The following GZMB variants were observed in gnomAD, a reference collection of about 807,000 sequenced individuals.
GZMB encodes the protein T-cell serine protease 1-3E.
Under a neutral mutation model 24.2 loss-of-function variants are expected in GZMB, and 27 were observed. That is an observed-to-expected ratio of 1.12 (90% CI 0.82 to 1.54). The LOEUF is 1.54. Ranked by LOEUF, GZMB falls within the 40% of genes most tolerant of loss-of-function variation. GZMB has a pLI of 0.00. For missense variants in GZMB, 336 were observed against 310.1 expected (o/e 1.08, Z -0.63); for synonymous variants, 121 against 115.1 (o/e 1.05, Z -0.33).
intron 4 of GZMB, 83 bp downstream of exon 4, chr14:24,631,775 C>T: frequency 1.8e-6 from 2 of 1,106,864 alleles, no homozygotes; most frequent in Non-Finnish European, 2.7e-6. Context: ...GAAGGAGTCC[C>T]CCACTACTTG....
At chr14:24,633,136 A>G in intron 1 of GZMB, 74 bp from the exon 2 acceptor site, 1 of 1,502,630 alleles carries the variant, frequency 6.7e-7, no homozygotes, top group Non-Finnish European at 8.9e-7. Flanking sequence ...TGGCTCCAGA[A>G]CTCCTGGGCA....
At chr14:24,632,843 G>T in intron 2 of GZMB, 72 bp downstream of exon 2, 2 of 1,460,000 alleles carry the variant, frequency 1.4e-6, no homozygotes, top group Non-Finnish European at 1.9e-6. Flanking sequence ...AGCCCAGGGA[G>T]CTCCTTGGGA....
chr14:24,632,677 C>T (rs774022502), intron 2 of GZMB: 2 of 830,512 alleles, frequency 2.4e-6, no homozygotes, highest in Admixed American at 4.0e-5. Flanking sequence ...GTATTCTATG[C>T]CAAAGTATGC....
intron 4 of GZMB, 21 bp downstream of exon 4, chr14:24,631,837 C>T: frequency 6.2e-7 from 1 of 1,609,910 alleles, no homozygotes; most frequent in Non-Finnish European, 8.5e-7. Flanking sequence ...AGAGCCAATC[C>T]AGGCAGGTGC....
intron 1 of GZMB, 37 bp from the exon 2 acceptor site, chr14:24,633,099 G>A (rs779700655): frequency 6.4e-7 from 1 of 1,563,044 alleles, no homozygotes; most frequent in Non-Finnish European, 8.7e-7. Flanking sequence ...GGCACCCATG[G>A]AATCTGCTGG....
In GZMB at chr14:24,632,940, G is replaced by T. The variant is rs111296281; in HGVS notation, c.178C>A (p.Leu60Met). ...CTTCCCCAACAGTGAGCAGCTGTCA[G>T]CACGAAGTCGTCTCGTATCAGGAAG... is the stretch of plus-strand genomic sequence containing the variant. ...GGFLIRDDFV[L>M]TAAHCWGSSI... The change falls in exon 2 of 5, where the codon CTG becomes ATG. Residue 60 changes from leucine to methionine, a missense_variant. Transcript: ENST00000216341. 6.2e-7 allele frequency: 1 copy of T among 1,613,242 alleles called. No individual in the cohort carries two copies. The highest frequency in any genetic ancestry group is 8.5e-7 in the Non-Finnish European group (1 of 1,179,554).
In GZMB at chr14:24,631,982, G is replaced by C. The variant is rs763271069; in HGVS notation, c.476C>G (p.Thr159Arg). 1 of 1,614,228 alleles carries C rather than the reference G, an allele frequency of 6.2e-7. No homozygotes were observed. Among genetic ancestry groups the C allele is most frequent in the South Asian group, 1.1e-5 (1 of 91,088 alleles). Residue 159 changes from threonine to arginine, a missense_variant, in exon 4 of 5, where the codon ACA becomes AGA. Transcript: ENST00000216341. ...CACTGTCATCTTCACCTCTTGTAGT[G>C]TGTGTGAGTGTTTTCCCAGGGGGGC... ...QTAPLGKHSH[T>R]LQEVKMTVQE...
At chr14:24,633,752 A>G (rs1348999697) in intron 1 of GZMB, among the ~76,000 whole-genome samples, 1 of 152,228 alleles carries the variant, frequency 6.6e-6, no homozygotes, top group Non-Finnish European at 1.5e-5. Context: ...GTAGACAGTG[A>G]GAGAAGCACC....
chr14:24,632,324 C>T lies in GZMB; in HGVS notation c.339G>A (p.Gln113=). 3 of 1,605,784 alleles carry T rather than the reference C, an allele frequency of 1.9e-6. No homozygotes were observed. Among genetic ancestry groups the T allele is most frequent in the East Asian group, 2.2e-5 (1 of 44,816 alleles). The change falls in exon 3 of 5, where the codon CAG becomes CAA. Residue 113 remains glutamine, a splice_region_variant and synonymous_variant. Coordinates refer to ENST00000216341, the MANE Select transcript of GZMB (RefSeq NM_004131.6). ...CAAGAGTGGCAGGAGTGTGCCTCAC[C>T]TGCAGTAGCATGATGTCGTTGGAGA... is the stretch of plus-strand genomic sequence containing the variant. ...KNFSNDIMLL[Q]LERKAKRTRA...
At chr14:24,631,604 T>A (rs961283574) in intron 4 of GZMB, 2 of 576,762 alleles carry the variant, frequency 3.5e-6, no homozygotes, top group South Asian at 2.2e-5. Flanking sequence ...AGTTTCCTAA[T>A]ATCTGTGACC....
At chr14:24,631,346 G>A (rs1343234046) in intron 4 of GZMB, 132 bp from the exon 5 acceptor site, 35 of 713,016 alleles carry the variant, frequency 4.9e-5, no homozygotes, top group South Asian at 3.3e-4. Flanking sequence ...AGGGCAGGCC[G>A]CTGGTGGCCC....
Position 24,631,133 on chromosome 14 carries a change from G to A in GZMB, c.682C>T (p.Arg228Ter), listed in dbSNP as rs756531107. Residue 228 changes from arginine (R) to a stop codon, truncating the protein, a stop_gained, in exon 5 of 5, where the codon CGA (arginine) becomes TGA (stop). Transcript: ENST00000216341. LOFTEE classifies it low-confidence loss of function (END_TRUNC). The part of the protein sequence containing the change: ...SYGRNNGMPP[R>*]ACTKVSSFVH... ...AAGCTTGAGACTTTGGTGCAGGCTCGTGGAGGCATGCCATTGTTTCGTCCA... is the reference window on the plus strand; with the variant it reads ...AAGCTTGAGACTTTGGTGCAGGCTCATGGAGGCATGCCATTGTTTCGTCCA... 4.0e-5 allele frequency: 64 copies of A among 1,612,076 alleles called. No individual in the cohort carries two copies. The highest frequency in any genetic ancestry group is 4.9e-5 in the Non-Finnish European group (58 of 1,178,172).
chr14:24,633,975 T>TG (rs769700874), intron 1 of GZMB, 131 bp downstream of exon 1: 43 of 819,896 alleles, frequency 5.2e-5, no homozygotes, highest in East Asian at 2.4e-4. Flanking sequence ...GCATCACACT[T>TG]GGGGGGTCTT....
Position 24,632,928 on chromosome 14 carries a change from G to A in GZMB, c.190C>T (p.His64Tyr), listed in dbSNP as rs778477049. The change falls in exon 2 of 5, where the codon CAC becomes TAC. Residue 64 changes from histidine to tyrosine, a missense_variant. Physicochemically the swap from His to Tyr is moderately conservative, Grantham distance 83 (BLOSUM62 2). Transcript: ENST00000216341. Reference sequence around the variant, plus strand: ...TCTGCTCCTCACCTTCCCCAACAGTGAGCAGCTGTCAGCACGAAGTCGTCT... The same window carrying A: ...TCTGCTCCTCACCTTCCCCAACAGTAAGCAGCTGTCAGCACGAAGTCGTCT... ...IRDDFVLTAA[H>Y]CWGSSINVTL... is the part of the protein sequence containing the mutation. 1.9e-6 allele frequency: 3 copies of A among 1,612,420 alleles called. No homozygotes were observed. The highest frequency in any genetic ancestry group is 1.3e-5 in the African/African-American group (1 of 74,894).
Position 24,632,080 on chromosome 14 carries a change from G to A in GZMB, c.378C>T (p.Pro126=). Residue 126 remains proline (P), a synonymous_variant, in exon 4 of 5, where the codon CCC becomes CCT. Coordinates refer to ENST00000216341, the MANE Select transcript of GZMB (RefSeq NM_004131.6). ...RKAKRTRAVQ[P]LRLPSNKAQV... ...GGGCCTTGTTGCTAGGTAGCCTGAGGGGCTGCACAGCTCTGGTCCGCTTGG... is the reference window on the plus strand; with the variant it reads ...GGGCCTTGTTGCTAGGTAGCCTGAGAGGCTGCACAGCTCTGGTCCGCTTGG... The A allele has an allele frequency of 2.5e-6, 4 of 1,614,188 alleles. No individual in the cohort carries two copies. The highest frequency in any genetic ancestry group is 3.4e-6 in the Non-Finnish European group (4 of 1,180,016).
chr14:24,631,761 G>T, intron 4 of GZMB, 97 bp downstream of exon 4: 3 of 956,356 alleles, frequency 3.1e-6, no homozygotes, highest in South Asian at 1.4e-5. Flanking sequence ...ACAGTCTAGT[G>T]GGTGAAGGAG....
rs2067011918 is a variant in GZMB at position 24,632,990 on chromosome 14, T to C, written c.128A>G (p.Gln43Arg). Residue 43 changes from glutamine (Q) to arginine (R), a missense_variant, in exon 2 of 5, where the codon CAG (glutamine) becomes CGG (arginine). Coordinates refer to ENST00000216341, the MANE Select transcript of GZMB (RefSeq NM_004131.6). ...PYMAYLMIWD[Q>R]KSLKRCGGFL... Reference sequence around the variant, plus strand: ...GCCACCGCACCTCTTCAGAGACTTCTGATCCCAGATCATAAGATAAGCCAT... The same window carrying C: ...GCCACCGCACCTCTTCAGAGACTTCCGATCCCAGATCATAAGATAAGCCAT... The C allele has an allele frequency of 1.9e-6, 3 of 1,614,040 alleles. No homozygotes were observed. Among genetic ancestry groups the C allele is most frequent in the Non-Finnish European group, 2.5e-6 (3 of 1,179,938 alleles).
chr14:24,631,610 T>G, intron 4 of GZMB: 4 of 579,536 alleles, frequency 6.9e-6, no homozygotes, highest in Non-Finnish European at 1.2e-5. Context: ...CTAATATCTG[T>G]GACCTGGAGT....
rs569728872 is a variant in GZMB at position 24,632,429 on chromosome 14, A to G, written c.234T>C (p.Asn78=). 2 of 1,612,592 alleles carry G rather than the reference A, an allele frequency of 1.2e-6. No homozygotes were observed. Among genetic ancestry groups the G allele is most frequent in the South Asian group, 2.2e-5 (2 of 90,710 alleles). Residue 78 remains asparagine, a synonymous_variant, in exon 3 of 5, where the codon AAT becomes AAC. Transcript: ENST00000216341. ...SSINVTLGAH[N]IKEQEPTQQF... Reference sequence around the variant, plus strand: ...GCTGGGTCGGCTCCTGTTCTTTGATATTGTGGGCCCCCAAGGTGACATTTA... The same window carrying G: ...GCTGGGTCGGCTCCTGTTCTTTGATGTTGTGGGCCCCCAAGGTGACATTTA...
Sources: gnomAD v4.1 joint callset for allele counts (sites outside exome capture counted in the v4.1 genomes callset) on GRCh38, gnomAD v4.1.1 for gene constraint, MANE v1.5 for transcripts, NCBI Gene and HGNC (gene_info 2026-07-23, HGNC 2026-07-21) for gene names.